TNS4: variants seen among roughly 807,000 people sequenced by gnomAD.
TNS4 encodes tensin 4.
A neutral mutation model predicts 70.4 loss-of-function variants in TNS4; 46 were observed. The ratio of observed to expected loss-of-function variants is 0.65; its 90% CI spans 0.52 to 0.84. The LOEUF (loss-of-function observed/expected upper bound fraction) is 0.84. TNS4 is among the 40% of genes least tolerant of loss of function. The probability of loss-of-function intolerance (pLI) is 0.00; values close to 1 mark genes in which losing one functional copy is unlikely to be tolerated. For missense variants in TNS4, 863 were observed against 907.0 expected (o/e 0.95, Z 0.62); for synonymous variants, 390 against 366.6 (o/e 1.06, Z -0.73).
At chr17:40,490,203 C>A (rs1379560207) in intron 2 of TNS4, among the ~76,000 whole-genome samples, 1 of 152,264 alleles carries the variant, frequency 6.6e-6, no homozygotes, top group Non-Finnish European at 1.5e-5. Context: ...CCCCAGGCTG[C>A]CGACGCGCTC....
At position 40,484,572 on chromosome 17, in the gene TNS4, A is replaced by G. The variant is rs745634779; in HGVS notation, c.1413T>C (p.Phe471=). The change falls in exon 6 of 13, where the codon TTT becomes TTC. Residue 471 remains phenylalanine (F), a synonymous_variant. Transcript: ENST00000254051. ...ELLRKEEPGA[F]VIRDSSSYRG... is the part of the protein sequence containing the mutation. The stretch of plus-strand genomic sequence containing the variant: ...GGTATGAAGAGCTGTCCCTTATGAC[A>G]AAAGCCCCTGGCTCCTCCTTCCTCA... 96 of 1,612,734 alleles carry G rather than the reference A, an allele frequency of 6.0e-5. No homozygotes were observed. The highest frequency in any genetic ancestry group is 7.9e-5 in the Non-Finnish European group (93 of 1,180,006).
intron 2 of TNS4, among the ~76,000 whole-genome samples, chr17:40,489,571 G>T (rs961954947): frequency 1.3e-5 from 2 of 152,124 alleles, no homozygotes; most frequent in African/African-American, 4.8e-5. Flanking sequence ...ACTTTGGGAG[G>T]CCTAGGCGGG....
intron 6 of TNS4, among the ~76,000 whole-genome samples, chr17:40,484,083 G>A (rs979515449): frequency 6.6e-6 from 1 of 152,190 alleles, no homozygotes; most frequent in African/African-American, 2.4e-5. Flanking sequence ...TGTGCGCTGA[G>A]CTAGTACACA....
In TNS4 at chr17:40,476,419, T is replaced by A; in HGVS notation, c.*1169A>T. 7.3e-6 allele frequency: 1 copy of A among 137,020 alleles called. No individual in the cohort carries two copies. Among genetic ancestry groups the A allele is most frequent in the African/African-American group, 3.4e-5 (1 of 29,542 alleles). 8.5% of individuals were successfully genotyped at this position (137,020 alleles called of 1,614,324 possible). ...GTGTGTGTGTGTGTGTGTGTGTGTG[T>A]GTGTGTGTGTTGGAGCGTGGGTTGG... On this transcript the variant is annotated 3_prime_UTR_variant, in exon 13 of 13. Transcript: ENST00000254051.
Position 40,496,184 on chromosome 17 carries a change from G to T in TNS4, c.242C>A (p.Pro81Gln), listed in dbSNP as rs753848525. The T allele has an allele frequency of 6.2e-7, 1 of 1,607,440 alleles. No individual in the cohort carries two copies. Among genetic ancestry groups the T allele is most frequent in the South Asian group, 1.1e-5 (1 of 90,286 alleles). Reference sequence around the variant, plus strand: ...CCCCAAGGCCTTCTCACCAGGGGACGGCAGGAAGCAGGTGGCTTTGGCCTC... The same window carrying T: ...CCCCAAGGCCTTCTCACCAGGGGACTGCAGGAAGCAGGTGGCTTTGGCCTC... ...QVEAKATCFLPSPGEKALGTP... is the reference protein window; with the variant it reads ...QVEAKATCFLQSPGEKALGTP... Residue 81 changes from proline to glutamine, a missense_variant, in exon 2 of 13, where the codon CCG becomes CAG. Physicochemically the swap from Pro to Gln is moderately conservative, Grantham distance 76. Coordinates refer to ENST00000254051, the MANE Select transcript of TNS4 (RefSeq NM_032865.6).
At chr17:40,499,664 CT>C (rs887041804) in intron 1 of TNS4, among the ~76,000 whole-genome samples, 1 of 152,234 alleles carries the variant, frequency 6.6e-6, no homozygotes, top group Non-Finnish European at 1.5e-5. Context: ...GCACGGGAAG[CT>C]TTCTATAAAT....
intron 2 of TNS4, among the ~76,000 whole-genome samples, chr17:40,495,120 A>C (rs2036126297): frequency 6.6e-6 from 1 of 152,212 alleles, no homozygotes. Context: ...CCCAGCCATT[A>C]TGAATAATTA....
At chr17:40,480,602 C>T in intron 9 of TNS4, 98 bp downstream of exon 9, 1 of 1,177,958 alleles carries the variant, frequency 8.5e-7, no homozygotes, top group Non-Finnish European at 1.1e-6. Flanking sequence ...ACGTGTGTGC[C>T]TGTGCGTGTG....
rs1410165096 is a variant in TNS4, at chr17:40,496,494, C to A, written c.-69G>T. The A allele has an allele frequency of 6.7e-6, 10 of 1,487,088 alleles. No individual in the cohort carries two copies. In the Admixed American group the frequency reaches 2.2e-4, roughly 32 times the overall value. 92.1% of individuals were successfully genotyped at this position (1,487,088 alleles called of 1,614,324 possible). A position where few individuals can be genotyped will look rare whatever the true frequency, so the allele number is the denominator to read the frequency against. ...AGCCTCACTGACATCCCAGAGATCT[C>A]ACTTGCTAACCAGGAGCTCCCAGGA... On this transcript the variant is annotated 5_prime_UTR_variant, in exon 2 of 13. Coordinates refer to ENST00000254051, the MANE Select transcript of TNS4 (RefSeq NM_032865.6).
In TNS4 at chr17:40,482,138, G is replaced by A; in HGVS notation, c.1663C>T (p.Pro555Ser). 3.7e-6 allele frequency: 6 copies of A among 1,614,178 alleles called. No homozygotes were observed. Among genetic ancestry groups the A allele is most frequent in the Non-Finnish European group, 5.1e-6 (6 of 1,180,026 alleles). ...TGGGGCCCAGACCCACCTCTCTGTG[G>A]GATGGTGAGTTTGCAGGGCAGGGCC... ...ALALPCKLTIPQRELGGADGA... is the reference protein window; with the variant it reads ...ALALPCKLTISQRELGGADGA... The change falls in exon 8 of 13, where the codon CCA (proline) becomes TCA (serine). Residue 555 changes from proline (P) to serine (S), a missense_variant. Physicochemically the swap from Pro to Ser is moderately conservative, Grantham distance 74. Transcript: ENST00000254051.
chr17:40,477,962 G>T, intron 12 of TNS4: 1 of 602,156 alleles, frequency 1.7e-6, no homozygotes, highest in Non-Finnish European at 2.9e-6. Context: ...TTGAGTGAGG[G>T]CTCCTTGAGG....
At chr17:40,484,344 T>A in intron 6 of TNS4, 140 bp downstream of exon 6, 1 of 1,326,446 alleles carries the variant, frequency 7.5e-7, no homozygotes, top group African/African-American at 1.5e-5. Context: ...GGGAGAACAC[T>A]GGGGTGGACG....
Position 40,500,755 on chromosome 17 carries a change from C to A in TNS4, c.-96+779G>T, listed in dbSNP as rs115756454. Among the ~76,000 whole-genome samples the A allele has an allele frequency of 6.7e-3, 1,019 of 152,354 alleles. 12 individuals carry two copies. The highest frequency in any genetic ancestry group is 0.023 in the African/African-American group (977 of 41,578). On this transcript the variant is annotated intron_variant, in intron 1 of 12. Transcript: ENST00000254051. ...CTTTGCCTCATTAGCCCAATCTCCA[C>A]TGCACCCCCTATTTTTGAAAACTGG...
chr17:40,484,569 G>A lies in TNS4; in HGVS notation c.1416C>T (p.Val472=), dbSNP rs1373121104. 6.2e-7 allele frequency: 1 copy of A among 1,612,894 alleles called. No individual in the cohort carries two copies. The highest frequency in any genetic ancestry group is 1.7e-5 in the Admixed American group (1 of 60,016). Residue 472 remains valine (V), a synonymous_variant, in exon 6 of 13, where the codon GTC becomes GTT. Transcript: ENST00000254051. ...CTCGGTATGAAGAGCTGTCCCTTAT[G>A]ACAAAAGCCCCTGGCTCCTCCTTCC... The part of the protein sequence containing the change: ...LLRKEEPGAF[V]IRDSSSYRGS...
At chr17:40,494,495 G>T (rs2036115776) in intron 2 of TNS4, among the ~76,000 whole-genome samples, 1 of 152,208 alleles carries the variant, frequency 6.6e-6, no homozygotes, top group Admixed American at 6.5e-5. Context: ...ACTTTGGGAG[G>T]CCAAGGTGGG....
At chr17:40,489,730 G>A (rs1239984472) in intron 2 of TNS4, among the ~76,000 whole-genome samples, 2 of 150,234 alleles carry the variant, frequency 1.3e-5, no homozygotes, top group East Asian at 2.0e-4. Flanking sequence ...GGGAGGCAGA[G>A]GTTGCAGTGA....
rs769398854 is a variant in TNS4 at position 40,496,248 on chromosome 17, T to C, written c.178A>G (p.Met60Val). 6.3e-6 allele frequency: 10 copies of C among 1,596,904 alleles called. No homozygotes were observed. In the Admixed American group the frequency reaches 1.8e-4, roughly 28 times the overall value. Residue 60 changes from methionine to valine, a missense_variant, in exon 2 of 13, where the codon ATG (methionine) becomes GTG (valine). By Grantham distance (21) the Met-to-Val change is conservative. Transcript: ENST00000254051. ...TGCTGGAGTCGGCCAGGGGGCCCCATGCAGGGCACGGGGGCCATCAGGGCC... is the reference window on the plus strand; with the variant it reads ...TGCTGGAGTCGGCCAGGGGGCCCCACGCAGGGCACGGGGGCCATCAGGGCC... ...AQALMAPVPCMGPPGRLQQAP... is the reference protein window; with the variant it reads ...AQALMAPVPCVGPPGRLQQAP...
In TNS4 at chr17:40,488,614, T is replaced by C. The variant is rs1418521230; in HGVS notation, c.795A>G (p.Pro265=). ...RLEKRLGGLA[P]QRGSRISVLS... The stretch of plus-strand genomic sequence containing the variant: ...GCACAGAGATCCTGCTGCCCCGCTG[T>C]GGGGCCAGGCCTCCCAGCCGCTTCT... Residue 265 remains proline, a synonymous_variant, in exon 3 of 13, where the codon CCA becomes CCG. Coordinates refer to ENST00000254051, the MANE Select transcript of TNS4 (RefSeq NM_032865.6). The C allele has an allele frequency of 6.6e-7, 1 of 1,517,912 alleles. No homozygotes were observed. The highest frequency in any genetic ancestry group is 8.8e-7 in the Non-Finnish European group (1 of 1,133,492). The allele number at this position is 1,517,912 out of a possible 1,614,324, so 94.0% of individuals were successfully genotyped here.
At position 40,496,205 on chromosome 17, in the gene TNS4, G is replaced by A; in HGVS notation, c.221C>T (p.Ala74Val). 1 of 1,604,308 alleles carries A rather than the reference G, an allele frequency of 6.2e-7. No homozygotes were observed. Among genetic ancestry groups the A allele is most frequent in the South Asian group, 1.1e-5 (1 of 89,674 alleles). The change falls in exon 2 of 13, where the codon GCC (alanine) becomes GTC (valine). Residue 74 changes from alanine (A) to valine (V), a missense_variant. Physicochemically the swap from Ala to Val is moderately conservative, Grantham distance 64. Transcript: ENST00000254051. ...GGACGGCAGGAAGCAGGTGGCTTTGGCCTCCACCTGTGGGGCTTGCTGGAG... is the reference window on the plus strand; with the variant it reads ...GGACGGCAGGAAGCAGGTGGCTTTGACCTCCACCTGTGGGGCTTGCTGGAG... ...GRLQQAPQVE[A>V]KATCFLPSPG...
Sources: allele counts gnomAD v4.1 joint callset (sites outside exome capture counted in the v4.1 genomes callset), GRCh38; gene constraint gnomAD v4.1.1; transcripts MANE v1.5; gene names NCBI Gene and HGNC (gene_info 2026-07-23, HGNC 2026-07-21).